The following SLC24A3 variants were observed in gnomAD, a reference collection of about 807,000 sequenced individuals.
SLC24A3 encodes sodium/potassium/calcium exchanger 3.
A neutral mutation model predicts 75.8 loss-of-function variants in SLC24A3; 28 were observed. The ratio of observed to expected loss-of-function variants is 0.37; its 90% confidence interval spans 0.27 to 0.51. The LOEUF is 0.51. SLC24A3 is among the 20% of genes least tolerant of loss of function. The pLI is 0.94. For missense variants in SLC24A3, 663 were observed against 847.8 expected, an observed-to-expected ratio of 0.78 and a Z score of 2.71; for synonymous variants, 372 against 334.1, an observed-to-expected ratio of 1.11 and a Z score of -1.24.
chr20:19,339,307 G>C (rs1260767344), intron 2 of SLC24A3, among the ~76,000 whole-genome samples: 1 of 151,366 alleles, frequency 6.6e-6, no homozygotes, highest in Non-Finnish European at 1.5e-5. Context: ...TTTTCCCCTT[G>C]TGCAGCATCT....
intron 1 of SLC24A3, among the ~76,000 whole-genome samples, chr20:19,241,347 C>T (rs182922344): frequency 2.6e-4 from 39 of 152,262 alleles, no homozygotes; most frequent in African/African-American, 6.7e-4. Flanking sequence ...ACACAATACT[C>T]GGGGCTTGGG....
chr20:19,393,419 G>T (rs2122392229), intron 2 of SLC24A3, among the ~76,000 whole-genome samples: 1 of 152,182 alleles, frequency 6.6e-6, no homozygotes, highest in East Asian at 1.9e-4. Context: ...GTATTGGAAA[G>T]GAAGTAGTAA....
intron 6 of SLC24A3, among the ~76,000 whole-genome samples, chr20:19,596,363 G>A (rs2031453610): frequency 6.6e-6 from 1 of 152,154 alleles, no homozygotes; most frequent in South Asian, 2.1e-4. Context: ...GAAAAATCAT[G>A]GAACACTCCT....
chr20:19,265,441 A>G (rs1983136238), intron 1 of SLC24A3, among the ~76,000 whole-genome samples: 2 of 152,228 alleles, frequency 1.3e-5, no homozygotes, highest in African/African-American at 4.8e-5. Flanking sequence ...TACGATGGAC[A>G]CAGGATGAAG....
intron 3 of SLC24A3, among the ~76,000 whole-genome samples, chr20:19,522,961 A>G (rs917754796): frequency 5.9e-5 from 9 of 152,208 alleles, no homozygotes; most frequent in African/African-American, 1.9e-4. Context: ...TTTGAAATAC[A>G]TATTATTATT....
At chr20:19,472,945 A>G (rs550232823) in intron 2 of SLC24A3, among the ~76,000 whole-genome samples, 1 of 152,264 alleles carries the variant, frequency 6.6e-6, no homozygotes, top group African/African-American at 2.4e-5. Flanking sequence ...TGGGAAGGGA[A>G]CAAGGGGTGT....
intron 2 of SLC24A3, among the ~76,000 whole-genome samples, chr20:19,396,339 G>A (rs1986453212): frequency 6.6e-6 from 1 of 152,130 alleles, no homozygotes; most frequent in Admixed American, 6.5e-5. Context: ...AAGTAAAAAT[G>A]AACAGGTAAA....
intron 1 of SLC24A3, among the ~76,000 whole-genome samples, chr20:19,218,715 C>T (rs921256959): frequency 4.0e-5 from 6 of 151,096 alleles, no homozygotes; most frequent in Admixed American, 3.3e-4. Context: ...TTTCTTCACC[C>T]TGGAGGGTTG....
chr20:19,341,174 C>T (rs1295821499), intron 2 of SLC24A3, among the ~76,000 whole-genome samples: 1 of 152,210 alleles, frequency 6.6e-6, no homozygotes, highest in Non-Finnish European at 1.5e-5. Flanking sequence ...TTGAGTCTTC[C>T]AGGTGGATAC....
At chr20:19,221,288 CTT>C (rs1981703307) in intron 1 of SLC24A3, among the ~76,000 whole-genome samples, 2 of 152,200 alleles carry the variant, frequency 1.3e-5, no homozygotes, top group Non-Finnish European at 2.9e-5. Flanking sequence ...TGGAGGAAGT[CTT>C]TACCAGATTC....
chr20:19,542,061 A>T (rs2030508191), intron 3 of SLC24A3, among the ~76,000 whole-genome samples: 2 of 152,082 alleles, frequency 1.3e-5, no homozygotes. Context: ...TGAAGGGGGG[A>T]CCTGCAGCCA....
At chr20:19,501,616 C>T (rs1223769083) in intron 2 of SLC24A3, among the ~76,000 whole-genome samples, 2 of 152,214 alleles carry the variant, frequency 1.3e-5, no homozygotes, top group African/African-American at 2.4e-5. Context: ...TGCCTCTGAA[C>T]ACATGTTCTT....
At chr20:19,618,328 C>T (rs1291225951) in intron 6 of SLC24A3, among the ~76,000 whole-genome samples, 1 of 152,190 alleles carries the variant, frequency 6.6e-6, no homozygotes, top group Admixed American at 6.5e-5. Flanking sequence ...AGTCTGAGAT[C>T]AAGGTGTCAG....
At chr20:19,350,565 A>G (rs1348009660) in intron 2 of SLC24A3, among the ~76,000 whole-genome samples, 9 of 152,228 alleles carry the variant, frequency 5.9e-5, no homozygotes, top group Non-Finnish European at 8.8e-5. Context: ...CGCCTGCCAG[A>G]CATCAATAGT....
chr20:19,432,272 T>TTATATA (rs3057540), intron 2 of SLC24A3, among the ~76,000 whole-genome samples: 1 of 145,322 alleles, frequency 6.9e-6, no homozygotes, highest in African/African-American at 2.5e-5. Context: ...TATATCTGTT[T>TTATATA]TATATATATA....
At chr20:19,344,994 C>T (rs1985357433) in intron 2 of SLC24A3, among the ~76,000 whole-genome samples, 1 of 152,048 alleles carries the variant, frequency 6.6e-6, no homozygotes, top group Non-Finnish European at 1.5e-5. Flanking sequence ...TGTAGTGAGA[C>T]CAGAAAAGCA....
intron 2 of SLC24A3, among the ~76,000 whole-genome samples, chr20:19,413,756 C>T (rs1986784689): frequency 6.6e-6 from 1 of 152,138 alleles, no homozygotes; most frequent in Non-Finnish European, 1.5e-5. Flanking sequence ...TAGTCAAGCT[C>T]TTTGTTAGAA....
intron 2 of SLC24A3, among the ~76,000 whole-genome samples, chr20:19,467,755 C>T (rs762757868): frequency 2.6e-5 from 4 of 152,046 alleles, no homozygotes; most frequent in Non-Finnish European, 4.4e-5. Flanking sequence ...GTGGTGCACG[C>T]CTGTAATCCC....
chr20:19,560,057 A>G (rs1176786099), intron 3 of SLC24A3, among the ~76,000 whole-genome samples: 1 of 152,194 alleles, frequency 6.6e-6, no homozygotes, highest in Non-Finnish European at 1.5e-5. Flanking sequence ...CTCTCATGAC[A>G]GTTCATGAGA....
Sources: allele counts gnomAD v4.1 joint callset (sites outside exome capture counted in the v4.1 genomes callset), GRCh38; gene constraint gnomAD v4.1.1; transcripts MANE v1.5; gene names NCBI Gene and HGNC (gene_info 2026-07-23, HGNC 2026-07-21).